Variants in ID4 observed in about 807,000 individuals in gnomAD.
ID4 encodes DNA-binding protein inhibitor ID-4.
Under a neutral mutation model 8.6 loss-of-function variants are expected in ID4, and 9 were observed. The observed-to-expected ratio is 1.04, with a 90% CI of 0.63 to 1.82. The LOEUF (loss-of-function observed/expected upper bound fraction) is 1.82, where lower values mean the gene tolerates loss of function less well. Among genes scored for constraint, ID4 ranks in the 40% most tolerant of loss-of-function variants. The pLI is 0.00. For synonymous variants in ID4, 180 were observed against 118.0 expected, an observed-to-expected ratio of 1.53 and a Z score of -3.41; for missense variants, 270 against 235.1, an observed-to-expected ratio of 1.15 and a Z score of -0.97.
At chr6:19,838,523 C>G (rs548845147) in intron 1 of ID4, 61 bp from the exon 2 acceptor site, 2 of 1,604,800 alleles carry the variant, frequency 1.2e-6, no homozygotes, top group Non-Finnish European at 1.7e-6. Flanking sequence ...AATCCAGGAC[C>G]GTGTCGAGCG....
At position 19,841,579 on chromosome 6, in the gene ID4, G is replaced by A. The variant is rs1246882407; in HGVS notation, c.*2384G>A. Among the ~76,000 whole-genome samples, 2 of 152,152 alleles carry A rather than the reference G, an allele frequency of 1.3e-5. No individual in the cohort carries two copies. Among genetic ancestry groups the A allele is most frequent in the Non-Finnish European group, 1.5e-5 (1 of 68,020 alleles). ...GGATAGATGTTACTCCTTAAAGTTT[G>A]TATTTGGGGCATGAAAAACTACTGA... is the stretch of plus-strand genomic sequence containing the variant. On this transcript the variant is annotated 3_prime_UTR_variant, in exon 3 of 3. Transcript: ENST00000378700.
In ID4 at chr6:19,840,666, T is replaced by A. The variant is rs1345452773; in HGVS notation, c.*1471T>A. ...TAACTTTTACATGTGAATATTAAAG[T>A]AGATTTCTCTGTCTTGTACTGTGAT... On this transcript the variant is annotated 3_prime_UTR_variant, in exon 3 of 3. Coordinates refer to ENST00000378700, the MANE Select transcript of ID4 (RefSeq NM_001546.4). The A allele has an allele frequency of 6.6e-6, 1 of 152,480 alleles. No individual in the cohort carries two copies. Among genetic ancestry groups the A allele is most frequent in the Non-Finnish European group, 1.5e-5 (1 of 68,014 alleles). The allele number at this position is 152,480 out of a possible 1,614,324, so 9.4% of individuals were successfully genotyped here.
At position 19,840,226 on chromosome 6, in the gene ID4, G is replaced by C. The variant is rs1263711816; in HGVS notation, c.*1031G>C. The C allele has an allele frequency of 6.6e-6, 1 of 152,480 alleles. No homozygotes were observed. Among genetic ancestry groups the C allele is most frequent in the African/African-American group, 2.4e-5 (1 of 41,406 alleles). The allele number at this position is 152,480 out of a possible 1,614,324, so 9.4% of individuals were successfully genotyped here. On this transcript the variant is annotated 3_prime_UTR_variant, in exon 3 of 3. Transcript: ENST00000378700. ...GGATTCTGAATGATTTTGCATATGG[G>C]ATGAGGAAATGCTTGGATCCTTAAG...
chr6:19,837,731 CGCGTAGA>C lies in ID4; in HGVS notation c.-20_-14del, dbSNP rs775698057. On this transcript the variant is annotated 5_prime_UTR_variant, in exon 1 of 3. Transcript: ENST00000378700. Reference sequence around the variant, plus strand: ...CCTCGCTCGCCCCAGCGGGTTCGCTCGCGTAGAGCGCAGGGCGCGCGCGATGAAGGCG... The same window carrying C: ...CCTCGCTCGCCCCAGCGGGTTCGCTCGCGCAGGGCGCGCGCGATGAAGGCG... 5 of 1,119,292 alleles carry C rather than the reference CGCGTAGA, an allele frequency of 4.5e-6. No homozygotes were observed. The highest frequency in any genetic ancestry group is 3.3e-5 in the African/African-American group (2 of 60,038). 69.3% of individuals were successfully genotyped at this position (1,119,292 alleles called of 1,614,324 possible). A position where few individuals can be genotyped will look rare whatever the true frequency, so the allele number is the denominator to read the frequency against.
At position 19,838,667 on chromosome 6, in the gene ID4, G is replaced by A. The variant is rs781154234; in HGVS notation, c.*14+25G>A. The A allele has an allele frequency of 3.1e-6, 5 of 1,607,860 alleles. No individual in the cohort carries two copies. In the African/African-American group the frequency reaches 5.4e-5, roughly 17 times the overall value. On this transcript the variant is annotated intron_variant, in intron 2 of 2. Transcript: ENST00000378700. Reference sequence around the variant, plus strand: ...GGTGAGCGCGCATTTCCCGTCTCGGGTGGCCGGTCACCAGAGACGCCCGTC... The same window carrying A: ...GGTGAGCGCGCATTTCCCGTCTCGGATGGCCGGTCACCAGAGACGCCCGTC...
At position 19,840,056 on chromosome 6, in the gene ID4, T is replaced by C. The variant is rs956170097; in HGVS notation, c.*861T>C. On this transcript the variant is annotated 3_prime_UTR_variant, in exon 3 of 3. Coordinates refer to ENST00000378700, the MANE Select transcript of ID4 (RefSeq NM_001546.4). Reference sequence around the variant, plus strand: ...TAAACTTGTTCTGAGTCCATTCAAATGTGTTTTTTTAAATGTAGATTGAAA... The same window carrying C: ...TAAACTTGTTCTGAGTCCATTCAAACGTGTTTTTTTAAATGTAGATTGAAA... 3 of 152,638 alleles carry C rather than the reference T, an allele frequency of 2.0e-5. No homozygotes were observed. The highest frequency in any genetic ancestry group is 4.4e-5 in the Non-Finnish European group (3 of 68,022). 9.5% of individuals were successfully genotyped at this position (152,638 alleles called of 1,614,324 possible).
intron 1 of ID4, 145 bp downstream of exon 1, chr6:19,838,340 C>T: frequency 3.9e-6 from 4 of 1,024,256 alleles, no homozygotes; most frequent in Non-Finnish European, 5.2e-6. Context: ...CCGGGCTCCC[C>T]CGGGCCGCCA....
At position 19,838,010 on chromosome 6, in the gene ID4, A is replaced by C. The variant is rs1416007384; in HGVS notation, c.256A>C (p.Lys86Gln). The change falls in exon 1 of 3, where the codon AAG (lysine) becomes CAG (glutamine). Residue 86 changes from lysine to glutamine, a missense_variant. Physicochemically the swap from Lys to Gln is moderately conservative, Grantham distance 53. Coordinates refer to ENST00000378700, the MANE Select transcript of ID4 (RefSeq NM_001546.4). ...GCTGGTGCCCACCATCCCGCCCAAC[A>C]AGAAAGTCAGCAAAGTGGAGATCCT... is the stretch of plus-strand genomic sequence containing the variant. ...RRLVPTIPPN[K>Q]KVSKVEILQH... is the part of the protein sequence containing the mutation. The C allele has an allele frequency of 1.9e-6, 3 of 1,604,358 alleles. No homozygotes were observed. The highest frequency in any genetic ancestry group is 2.6e-6 in the Non-Finnish European group (3 of 1,175,244).
Position 19,838,597 on chromosome 6 carries a change from ACAAG to A in ID4, c.458_461del (p.Lys153ArgfsTer107). On this transcript the variant is annotated frameshift_variant, in exon 2 of 3. Transcript: ENST00000378700. LOFTEE classifies it high-confidence loss of function. ...TTGCTGTTCCAGGCCGGCGCGGTGA[ACAAG>A]CAGGGCGACAGCATTCTGTGCCGCT... 6.2e-7 allele frequency: 1 copy of A among 1,613,874 alleles called. No individual in the cohort carries two copies. The highest frequency in any genetic ancestry group is 8.5e-7 in the Non-Finnish European group (1 of 1,179,872).
intron 1 of ID4, 75 bp downstream of exon 1, chr6:19,838,270 G>C: frequency 8.0e-7 from 1 of 1,253,596 alleles, no homozygotes; most frequent in Non-Finnish European, 1.0e-6. Context: ...CGGGACGCGG[G>C]CGCTCACCGT....
At chr6:19,838,296 G>A (rs1761272085) in intron 1 of ID4, 101 bp downstream of exon 1, 1 of 1,155,224 alleles carries the variant, frequency 8.7e-7, no homozygotes, top group Non-Finnish European at 1.1e-6. Context: ...GGGCAGGGGC[G>A]GGCCAGGAAT....
Position 19,838,572 on chromosome 6 carries a change from T to C in ID4, c.442-12T>C. 6.2e-7 allele frequency: 1 copy of C among 1,613,970 alleles called. No individual in the cohort carries two copies. Among genetic ancestry groups the C allele is most frequent in the South Asian group, 1.1e-5 (1 of 91,090 alleles). On this transcript the variant is annotated splice_polypyrimidine_tract_variant and intron_variant, in intron 1 of 2. Transcript: ENST00000378700. ...TGCTAACCTTTCCCTTGGTGTTCGG[T>C]TGCTGTTCCAGGCCGGCGCGGTGAA... is the stretch of plus-strand genomic sequence containing the variant.
chr6:19,841,365 A>T lies in ID4; in HGVS notation c.*2170A>T, dbSNP rs144147070. On this transcript the variant is annotated 3_prime_UTR_variant, in exon 3 of 3. Transcript: ENST00000378700. ...ACGACTGCATTCTTTGTTATTAAAA[A>T]GGGCACAATCCTTCCTTTTTATTTG... 8.3e-3 allele frequency among the ~76,000 whole-genome samples: 1,262 copies of T among 152,348 alleles called. 61 individuals are homozygous for T. Among genetic ancestry groups the T allele is most frequent in the Admixed American group, 0.075 (1,140 of 15,296 alleles).
Position 19,840,890 on chromosome 6 carries a change from C to T in ID4, c.*1695C>T, listed in dbSNP as rs1761348034. Among the ~76,000 whole-genome samples, 1 of 152,086 alleles carries T rather than the reference C, an allele frequency of 6.6e-6. No homozygotes were observed. The highest frequency in any genetic ancestry group is 1.5e-5 in the Non-Finnish European group (1 of 68,008). On this transcript the variant is annotated 3_prime_UTR_variant, in exon 3 of 3. Coordinates refer to ENST00000378700, the MANE Select transcript of ID4 (RefSeq NM_001546.4). ...GAATTAAGTAGGATTTAATTGGGTGCTTTGTAAATAGTCAACTGTGTGTAT... is the reference window on the plus strand; with the variant it reads ...GAATTAAGTAGGATTTAATTGGGTGTTTTGTAAATAGTCAACTGTGTGTAT...
At position 19,839,710 on chromosome 6, in the gene ID4, A is replaced by G. The variant is rs1021268144; in HGVS notation, c.*515A>G. 3.3e-5 allele frequency: 5 copies of G among 152,654 alleles called. No individual in the cohort carries two copies. Among genetic ancestry groups the G allele is most frequent in the Non-Finnish European group, 5.9e-5 (4 of 68,028 alleles). The allele number at this position is 152,654 out of a possible 1,614,324, so 9.5% of individuals were successfully genotyped here. ...AGAATGTTACATATTGTATAGATAA[A>G]TGAGTGACATTTCATACCATGTATA... On this transcript the variant is annotated 3_prime_UTR_variant, in exon 3 of 3. Transcript: ENST00000378700.
rs1399198962 is a variant in ID4, at chr6:19,837,974, C to T, written c.220C>T (p.Arg74Cys). Reference sequence around the variant, plus strand: ...GTGCGATATGAACGACTGCTATAGCCGCCTGCGGAGGCTGGTGCCCACCAT... The same window carrying T: ...GTGCGATATGAACGACTGCTATAGCTGCCTGCGGAGGCTGGTGCCCACCAT... ...LQCDMNDCYS[R>C]LRRLVPTIPP... is the part of the protein sequence containing the mutation. Residue 74 changes from arginine (R) to cysteine (C), a missense_variant, in exon 1 of 3, where the codon CGC (arginine) becomes TGC (cysteine). Around this residue, in one of 3 missense-constraint regions of ID4, gnomAD observed 160 missense variants for 131.5 expected, o/e 1.22. Transcript: ENST00000378700. 3 of 1,587,704 alleles carry T rather than the reference C, an allele frequency of 1.9e-6. No individual in the cohort carries two copies. Among genetic ancestry groups the T allele is most frequent in the Middle Eastern group, 3.3e-4 (2 of 5,980 alleles).
rs76847683 is a variant in ID4, at chr6:19,839,343, G to A, written c.*148G>A. 6.6e-6 allele frequency: 1 copy of A among 152,604 alleles called. No individual in the cohort carries two copies. The highest frequency in any genetic ancestry group is 1.5e-5 in the Non-Finnish European group (1 of 68,020). 9.5% of individuals were successfully genotyped at this position (152,604 alleles called of 1,614,324 possible). A position where few individuals can be genotyped will look rare whatever the true frequency, so the allele number is the denominator to read the frequency against. On this transcript the variant is annotated 3_prime_UTR_variant, in exon 3 of 3. Transcript: ENST00000378700. ...GAAACGTTTTCATTCGTCATTCCAA[G>A]AGAGAGAGAGGAAAGAAAAATACAA...
chr6:19,837,938 C>G lies in ID4; in HGVS notation c.184C>G (p.Leu62Val), dbSNP rs1354776592. 13 of 1,494,860 alleles carry G rather than the reference C, an allele frequency of 8.7e-6. No individual in the cohort carries two copies. In the Admixed American group the frequency reaches 1.3e-4, roughly 15 times the overall value. The allele number at this position is 1,494,860 out of a possible 1,614,324, so 92.6% of individuals were successfully genotyped here. A position where few individuals can be genotyped will look rare whatever the true frequency, so the allele number is the denominator to read the frequency against. Reference sequence around the variant, plus strand: ...CGAGGCGGCGGCCGACGAGCCGGCGCTGTGCCTGCAGTGCGATATGAACGA... The same window carrying G: ...CGAGGCGGCGGCCGACGAGCCGGCGGTGTGCCTGCAGTGCGATATGAACGA... ...AAEAAADEPA[L>V]CLQCDMNDCY... Residue 62 changes from leucine to valine, a missense_variant, in exon 1 of 3, where the codon CTG (leucine) becomes GTG (valine). Leu to Val is a conservative substitution (Grantham distance 32, BLOSUM62 1). This residue lies in a region of ID4 where 160 missense variants were observed against 131.5 expected (regional missense o/e 1.22). Transcript: ENST00000378700.
rs1020265443 is a variant in ID4, at chr6:19,840,450, A to AT, written c.*1257dup. 6.6e-6 allele frequency: 1 copy of AT among 151,818 alleles called. No individual in the cohort carries two copies. Among genetic ancestry groups the AT allele is most frequent in the Non-Finnish European group, 1.5e-5 (1 of 67,700 alleles). The allele number at this position is 151,818 out of a possible 1,614,324, so 9.4% of individuals were successfully genotyped here. On this transcript the variant is annotated 3_prime_UTR_variant, in exon 3 of 3. Transcript: ENST00000378700. The stretch of plus-strand genomic sequence containing the variant: ...CTTTCTGCTTTCCTTCCTCCAAAGA[A>AT]TTAATAGGCAACAGTGGGAGAAAAA...
Sources: gnomAD v4.1 joint callset for allele counts (sites outside exome capture counted in the v4.1 genomes callset) on GRCh38, gnomAD v4.1.1 for gene constraint, gnomAD v4.1.1 regional missense constraint, MANE v1.5 for transcripts, NCBI Gene and HGNC (gene_info 2026-07-23, HGNC 2026-07-21) for gene names.